FAM186A: variants seen among roughly 807,000 people sequenced by gnomAD.
FAM186A encodes the protein protein FAM186A.
Under a neutral mutation model 216.8 loss-of-function variants are expected in FAM186A, and 163 were observed. The observed-to-expected ratio is 0.75, with a 90% CI of 0.66 to 0.86. The LOEUF (loss-of-function observed/expected upper bound fraction) is 0.86. Among genes scored for constraint, FAM186A ranks in the 40% least tolerant of loss-of-function variants. FAM186A has a pLI of 0.00. For missense variants in FAM186A, 2,184 were observed against 2,746.2 expected, an observed-to-expected ratio of 0.80 and a Z score of 4.58; for synonymous variants, 805 against 1,025.3, an observed-to-expected ratio of 0.79 and a Z score of 4.10.
chr12:50,372,000 C>T (rs966444358), intron 1 of FAM186A, among the ~76,000 whole-genome samples: 10 of 151,812 alleles, frequency 6.6e-5, no homozygotes, highest in African/African-American at 1.7e-4. Flanking sequence ...TTAGTAGAGA[C>T]GGGGTTTCAC....
chr12:50,346,199 GAA>G (rs1491138361), intron 4 of FAM186A, among the ~76,000 whole-genome samples: 6 of 42,854 alleles, frequency 1.4e-4, no homozygotes, highest in African/African-American at 4.1e-4. Flanking sequence ...AAGAAAGAAA[GAA>G]AGAGAGAGAG....
rs1565886476 is a variant in FAM186A, at chr12:50,354,204, T to C, written c.2628A>G (p.Glu876=). The C allele has an allele frequency of 6.4e-7, 1 of 1,551,764 alleles. No individual in the cohort carries two copies. The highest frequency in any genetic ancestry group is 8.7e-7 in the Non-Finnish European group (1 of 1,147,014). ...CCTGCCACTGTTTCTGGCTCTGTTG[T>C]TCTTGCTTTCCCTCCTTCATCTGGA... ...AWLQMKEGKQ[E]QQSQKQWQEE... Residue 876 remains glutamate, a synonymous_variant, in exon 4 of 8, where the codon GAA becomes GAG. Transcript: ENST00000327337.
intron 1 of FAM186A, among the ~76,000 whole-genome samples, chr12:50,379,559 C>T (rs754241972): frequency 2.0e-5 from 3 of 150,448 alleles, no homozygotes; most frequent in Non-Finnish European, 4.4e-5. Context: ...GACCGAGGCA[C>T]GTGGATCACC....
intron 1 of FAM186A, among the ~76,000 whole-genome samples, chr12:50,375,436 C>A (rs1304595609): frequency 6.6e-6 from 1 of 151,462 alleles, no homozygotes; most frequent in Middle Eastern, 3.2e-3. Context: ...ATAATCCCAG[C>A]TACTTAGGAG....
intron 4 of FAM186A, among the ~76,000 whole-genome samples, chr12:50,349,558 G>A (rs1942854290): frequency 6.6e-6 from 1 of 152,140 alleles, no homozygotes; most frequent in South Asian, 2.1e-4. Flanking sequence ...GTGAGAGCAT[G>A]TGAAGTTTGT....
At chr12:50,356,308 C>T in intron 3 of FAM186A, 60 bp from the exon 4 acceptor site, 1 of 1,356,150 alleles carries the variant, frequency 7.4e-7, no homozygotes, top group Non-Finnish European at 9.8e-7. Flanking sequence ...TGTGTTCTAT[C>T]TATGTTTAAA....
At chr12:50,343,980 T>G (rs2138766708) in intron 4 of FAM186A, among the ~76,000 whole-genome samples, 1 of 150,410 alleles carries the variant, frequency 6.6e-6, no homozygotes, top group South Asian at 2.2e-4. Flanking sequence ...CTCGAACTCC[T>G]GGATTCAAGT....
At chr12:50,357,067 A>T (rs1207213873) in intron 3 of FAM186A, among the ~76,000 whole-genome samples, 1 of 152,164 alleles carries the variant, frequency 6.6e-6, no homozygotes, top group African/African-American at 2.4e-5. Context: ...AAAATAAAAG[A>T]TGTAATTCAA....
At chr12:50,388,410 G>A (rs994970544) in intron 1 of FAM186A, among the ~76,000 whole-genome samples, 5 of 152,136 alleles carry the variant, frequency 3.3e-5, no homozygotes, top group African/African-American at 1.2e-4. Flanking sequence ...CTGAGGTCAG[G>A]AGTTCGAGAC....
Position 50,355,071 on chromosome 12 carries a change from C to T in FAM186A, c.1761G>A (p.Glu587=). The change falls in exon 4 of 8, where the codon GAG becomes GAA. Residue 587 remains glutamate (E), a synonymous_variant. Coordinates refer to ENST00000327337, the MANE Select transcript of FAM186A (RefSeq NM_001145475.3). The part of the protein sequence containing the change: ...EGKGEIRSLV[E]PLSMIQFDDT... ...CATCAAATTGGATCATACTGAGTGG[C>T]TCCACTAGGCTTCTAATTTCACCTT... is the stretch of plus-strand genomic sequence containing the variant. 6.4e-7 allele frequency: 1 copy of T among 1,551,692 alleles called. No homozygotes were observed. Among genetic ancestry groups the T allele is most frequent in the Non-Finnish European group, 8.7e-7 (1 of 1,147,002 alleles).
intron 4 of FAM186A, among the ~76,000 whole-genome samples, chr12:50,349,468 C>T (rs1368436797): frequency 2.0e-5 from 3 of 152,020 alleles, no homozygotes; most frequent in Non-Finnish European, 2.9e-5. Flanking sequence ...GGATTACAGG[C>T]GTGAGTCACT....
intron 1 of FAM186A, among the ~76,000 whole-genome samples, chr12:50,376,014 G>A (rs946677468): frequency 6.6e-6 from 1 of 152,134 alleles, no homozygotes; most frequent in African/African-American, 2.4e-5. Flanking sequence ...TGTAGCAGCA[G>A]GGCAGGCATC....
At chr12:50,385,442 A>G (rs998876323) in intron 1 of FAM186A, among the ~76,000 whole-genome samples, 17 of 150,494 alleles carry the variant, frequency 1.1e-4, no homozygotes, top group Non-Finnish European at 1.9e-4. Context: ...AAAAGAAAGT[A>G]TAAAACTACT....
Position 50,363,144 on chromosome 12 carries a change from C to A in FAM186A, c.412+1G>T, listed in dbSNP as rs754458448. ...CCTCTGAACCGCTTCTGTAAACTTA[C>A]TCCATTCTTCCAACCAGGCCAGAAT... is the stretch of plus-strand genomic sequence containing the variant. On this transcript the variant is annotated splice_donor_variant, in intron 2 of 7. Transcript: ENST00000327337. LOFTEE classifies it high-confidence loss of function. The A allele has an allele frequency of 1.2e-5, 19 of 1,541,560 alleles. No homozygotes were observed. Among genetic ancestry groups the A allele is most frequent in the Non-Finnish European group, 1.7e-5 (19 of 1,142,026 alleles).
Position 50,363,217 on chromosome 12 carries a change from C to G in FAM186A, c.340G>C (p.Ala114Pro). 1 of 1,551,550 alleles carries G rather than the reference C, an allele frequency of 6.4e-7. No individual in the cohort carries two copies. Among genetic ancestry groups the G allele is most frequent in the Non-Finnish European group, 8.7e-7 (1 of 1,146,942 alleles). The change falls in exon 2 of 8, where the codon GCT becomes CCT. Residue 114 changes from alanine (A) to proline (P), a missense_variant. Physicochemically the swap from Ala to Pro is conservative, Grantham distance 27. This residue lies in a region of FAM186A where 1,132 missense variants were observed against 1,263.4 expected (regional missense o/e 0.90). Coordinates refer to ENST00000327337, the MANE Select transcript of FAM186A (RefSeq NM_001145475.3). ...KQRTNFLEKM[A>P]TYAKTIEIRE... is the part of the protein sequence containing the mutation. ...ATTTCAATAGTCTTAGCGTAAGTAG[C>G]CATTTTCTCAAGAAAATTGGTTCTC...
Position 50,352,429 on chromosome 12 carries a change from C to A in FAM186A, c.4403G>T (p.Gly1468Val), listed in dbSNP as rs1592609109. Residue 1468 changes from glycine (G) to valine (V), a missense_variant, in exon 4 of 8, where the codon GGG becomes GTG. Coordinates refer to ENST00000327337, the MANE Select transcript of FAM186A (RefSeq NM_001145475.3). ...TLTPQQAQEL[G>V]IPLTPQQAQA... ...GGCCTGCTGAGGGGTGAGAGGGATC[C>A]CCAATTCCTGAGCCTGCTGAGGGGT... 2 of 1,511,120 alleles carry A rather than the reference C, an allele frequency of 1.3e-6. No individual in the cohort carries two copies. Among genetic ancestry groups the A allele is most frequent in the Admixed American group, 4.2e-5 (2 of 47,980 alleles). 93.6% of individuals were successfully genotyped at this position (1,511,120 alleles called of 1,614,324 possible). A position where few individuals can be genotyped will look rare whatever the true frequency, so the allele number is the denominator to read the frequency against.
At chr12:50,357,680 C>T (rs949395216) in intron 3 of FAM186A, among the ~76,000 whole-genome samples, 8 of 152,046 alleles carry the variant, frequency 5.3e-5, no homozygotes, top group Admixed American at 2.6e-4. Context: ...CATTTATTCA[C>T]GAAAAACTAC....
At chr12:50,335,507 G>A (rs891608909) in intron 4 of FAM186A, among the ~76,000 whole-genome samples, 1 of 151,754 alleles carries the variant, frequency 6.6e-6, no homozygotes, top group East Asian at 2.0e-4. Context: ...AGCCAGGTGC[G>A]GTGGCAGGTG....
chr12:50,388,150 G>C (rs892554277), intron 1 of FAM186A, among the ~76,000 whole-genome samples: 1 of 152,170 alleles, frequency 6.6e-6, no homozygotes, highest in Non-Finnish European at 1.5e-5. Flanking sequence ...AGGTTGGGGG[G>C]TGGGGTTGAA....
Sources: gnomAD v4.1 joint callset for allele counts (sites outside exome capture counted in the v4.1 genomes callset) on GRCh38, gnomAD v4.1.1 for gene constraint, gnomAD v4.1.1 regional missense constraint, MANE v1.5 for transcripts, NCBI Gene and HGNC (gene_info 2026-07-23, HGNC 2026-07-21) for gene names.